CHD9: variants seen among roughly 807,000 people sequenced by gnomAD.
The protein encoded by CHD9 is ATP-dependent chromatin remodeler CHD9.
A neutral mutation model predicts 316.1 loss-of-function variants in CHD9; 77 were observed. That is an observed-to-expected ratio of 0.24 (90% CI 0.20 to 0.29). The LOEUF is 0.29. Ranked by LOEUF, CHD9 falls within the 10% of genes least tolerant of loss-of-function variation. The pLI is 1.00. For synonymous variants in CHD9, 1,129 were observed against 1,158.3 expected (o/e 0.97, Z 0.51); for missense variants, 2,763 against 3,438.1 (o/e 0.80, Z 4.91).
In CHD9 at chr16:53,324,981, C is replaced by A; in HGVS notation, c.*86C>A. The stretch of plus-strand genomic sequence containing the variant: ...GTAAATACCCCAGTGTTGAGTGCAT[C>A]AATAACTTACTGACCGAACATTTCA... On this transcript the variant is annotated 3_prime_UTR_variant, in exon 39 of 39. Transcript: ENST00000447540. The A allele has an allele frequency of 9.0e-7, 1 of 1,111,882 alleles. No homozygotes were observed. Among genetic ancestry groups the A allele is most frequent in the Non-Finnish European group, 1.3e-6 (1 of 798,646 alleles). 68.9% of individuals were successfully genotyped at this position (1,111,882 alleles called of 1,614,324 possible).
chr16:53,208,574 G>A, intron 2 of CHD9: 1 of 1,022,658 alleles, frequency 9.8e-7, no homozygotes, highest in Non-Finnish European at 1.2e-6. Context: ...TCCCAGTGCT[G>A]CAGTGCTGCT....
intron 2 of CHD9, among the ~76,000 whole-genome samples, chr16:53,198,815 C>G (rs2045185407): frequency 2.0e-5 from 3 of 152,082 alleles, no homozygotes; most frequent in African/African-American, 7.2e-5. Context: ...TTCCTCTGTA[C>G]AGATGGAATG....
intron 19 of CHD9, among the ~76,000 whole-genome samples, chr16:53,261,335 C>G (rs1440747383): frequency 7.4e-6 from 1 of 135,670 alleles, no homozygotes; most frequent in East Asian, 2.1e-4. Flanking sequence ...AAGCATTTAG[C>G]CTTTTAATTT....
chr16:53,162,226 G>A (rs2041963989), intron 2 of CHD9, among the ~76,000 whole-genome samples: 1 of 152,142 alleles, frequency 6.6e-6, no homozygotes, highest in African/African-American at 2.4e-5. Flanking sequence ...TGGGAAGAGA[G>A]GCCAGAGGGA....
chr16:53,120,867 G>T (rs962526870), intron 1 of CHD9, among the ~76,000 whole-genome samples: 1 of 152,038 alleles, frequency 6.6e-6, no homozygotes, highest in African/African-American at 2.4e-5. Context: ...TTAGCTGGGT[G>T]TGGTGGTGCA....
chr16:53,144,224 C>G (rs781701128), intron 1 of CHD9, among the ~76,000 whole-genome samples: 1 of 151,940 alleles, frequency 6.6e-6, no homozygotes, highest in Non-Finnish European at 1.5e-5. Context: ...TCTTGGGAGA[C>G]TATGAAGTTT....
intron 18 of CHD9, 70 bp from the exon 19 acceptor site, chr16:53,255,530 C>T (rs1254712462): frequency 2.8e-6 from 4 of 1,409,290 alleles, no homozygotes; most frequent in Admixed American, 2.0e-5. Context: ...CTTTGACATC[C>T]TTTAGGGATA....
chr16:53,278,580 T>C (rs548240623), intron 24 of CHD9, among the ~76,000 whole-genome samples: 20 of 152,208 alleles, frequency 1.3e-4, no homozygotes, highest in African/African-American at 4.6e-4. Context: ...TGGATCCTCT[T>C]TTCTCACCTT....
Position 53,273,752 on chromosome 16 carries a change from G to A in CHD9, c.4844G>A (p.Gly1615Asp). Reference protein sequence around the residue: ...YNPEQLLQDEGYKKHIKHHCN... With the variant: ...YNPEQLLQDEDYKKHIKHHCN... The stretch of plus-strand genomic sequence containing the variant: ...CCCGAGCAGCTCCTTCAAGATGAAG[G>A]CTACAAAAAACATATAAAACACCAC... Residue 1615 changes from glycine to aspartate, a missense_variant, in exon 23 of 39, where the codon GGC (glycine) becomes GAC (aspartate). Physicochemically the swap from Gly to Asp is moderately conservative, Grantham distance 94 (BLOSUM62 -1). Coordinates refer to ENST00000447540, the MANE Select transcript of CHD9 (RefSeq NM_001308319.2). The A allele has an allele frequency of 5.6e-6, 9 of 1,613,060 alleles. No homozygotes were observed. The highest frequency in any genetic ancestry group is 7.6e-6 in the Non-Finnish European group (9 of 1,179,494).
intron 2 of CHD9, among the ~76,000 whole-genome samples, chr16:53,185,238 G>T (rs2043883278): frequency 6.6e-6 from 1 of 152,188 alleles, no homozygotes; most frequent in Non-Finnish European, 1.5e-5. Context: ...TTGTTGAATG[G>T]CTTTGACCAA....
rs966130528 is a variant in CHD9 at position 53,318,721 on chromosome 16, G to T, written c.7713+381G>T. On this transcript the variant is annotated intron_variant, in intron 37 of 38. Transcript: ENST00000447540. ...AAGGAGAAGATGCTACTGGTATCTA[G>T]TGGGTAGAAGCCAGAGATGCTGCTA... Among the ~76,000 whole-genome samples the T allele has an allele frequency of 5.9e-5, 9 of 152,288 alleles. 2 individuals carry two copies. In the Middle Eastern group the frequency reaches 0.02, roughly 345 times the overall value.
chr16:53,263,623 A>G (rs985510594), intron 20 of CHD9, among the ~76,000 whole-genome samples: 1 of 152,088 alleles, frequency 6.6e-6, no homozygotes, highest in African/African-American at 2.4e-5. Flanking sequence ...TTGTATAGAA[A>G]TCAGTGTTTT....
intron 1 of CHD9, among the ~76,000 whole-genome samples, chr16:53,122,649 G>A (rs1033655696): frequency 2.0e-5 from 3 of 149,758 alleles, no homozygotes; most frequent in African/African-American, 7.4e-5. Flanking sequence ...GGTTCAAGAA[G>A]TTCTCTTGCC....
intron 2 of CHD9, among the ~76,000 whole-genome samples, chr16:53,190,938 C>A (rs1287390059): frequency 3.3e-5 from 5 of 151,942 alleles, no homozygotes; most frequent in African/African-American, 1.2e-4. Context: ...ATTTTAAAAT[C>A]AATTTTATTG....
At chr16:53,267,221 G>A (rs895220745) in intron 20 of CHD9, 73 bp from the exon 21 acceptor site, 77 of 922,158 alleles carry the variant, frequency 8.3e-5, no homozygotes, top group Admixed American at 1.4e-4. Flanking sequence ...GTTTGTATAA[G>A]GTAAAAATGT....
chr16:53,292,793 A>G (rs770238413), intron 28 of CHD9, 40 bp from the exon 29 acceptor site: 2 of 1,502,982 alleles, frequency 1.3e-6, no homozygotes, highest in Non-Finnish European at 1.9e-6. Context: ...TTCATACAGT[A>G]TCTGTTTAGT....
chr16:53,059,613 A>G (rs1170715456), intron 1 of CHD9, among the ~76,000 whole-genome samples: 1 of 152,188 alleles, frequency 6.6e-6, no homozygotes, highest in African/African-American at 2.4e-5. Flanking sequence ...ACTGCCCCCA[A>G]ATACTAGGTC....
chr16:53,067,768 CTCCACGGTAAAGTTAACTCATTT>C (rs1346523410), intron 1 of CHD9, among the ~76,000 whole-genome samples: 1 of 152,180 alleles, frequency 6.6e-6, no homozygotes, highest in Non-Finnish European at 1.5e-5. Flanking sequence ...TGTCAGGTTT[CTCCACGGTAAAGTTAACTCATTT>C]TCCTCCTTTT....
At chr16:53,219,797 C>T (rs564334359) in intron 3 of CHD9, among the ~76,000 whole-genome samples, 49 of 152,290 alleles carry the variant, frequency 3.2e-4, no homozygotes, top group African/African-American at 1.1e-3. Context: ...GCCTCAATTT[C>T]TTCTTATAAA....
Sources: gnomAD v4.1 joint callset for allele counts (sites outside exome capture counted in the v4.1 genomes callset) on GRCh38, gnomAD v4.1.1 for gene constraint, MANE v1.5 for transcripts, NCBI Gene and HGNC (gene_info 2026-07-23, HGNC 2026-07-21) for gene names.